The following EYS variants were observed in gnomAD, a reference collection of about 807,000 sequenced individuals.
The protein encoded by EYS is EGF-like photoreceptor maintenance factor.
A neutral mutation model predicts 282.1 loss-of-function variants in EYS; 250 were observed. The observed-to-expected ratio is 0.89, with a 90% CI of 0.80 to 0.98. The LOEUF (loss-of-function observed/expected upper bound fraction) is 0.98, where lower values mean the gene tolerates loss of function less well. Ranked by LOEUF, EYS falls within the 50% of genes least tolerant of loss-of-function variation. The probability of loss-of-function intolerance (pLI) is 0.00; values close to 1 mark genes in which losing one functional copy is unlikely to be tolerated. For missense variants in EYS, 4,016 were observed against 3,709.0 expected (o/e 1.08, Z -2.15); for synonymous variants, 1,355 against 1,282.9 (o/e 1.06, Z -1.20).
intron 14 of EYS, among the ~76,000 whole-genome samples, chr6:64,967,799 T>TCTGCAATGTATAAAAATGG (rs1770148910): frequency 6.6e-6 from 1 of 152,224 alleles, no homozygotes; most frequent in Admixed American, 6.5e-5. Context: ...TTTTCTCCCT[T>TCTGCAATGTATAAAAATGG]CTGCAATGTA....
chr6:64,588,847 A>G (rs1338754439), intron 26 of EYS, among the ~76,000 whole-genome samples: 1 of 149,714 alleles, frequency 6.7e-6, no homozygotes, highest in African/African-American at 2.4e-5. Context: ...CTAGAAAGGC[A>G]AGAAAAACTG....
chr6:64,203,580 C>T (rs1765533563), intron 31 of EYS, among the ~76,000 whole-genome samples: 1 of 152,138 alleles, frequency 6.6e-6, no homozygotes, highest in South Asian at 2.1e-4. Context: ...GCCAAAACTT[C>T]TGCCTCTGAC....
At chr6:64,175,223 T>C (rs971097112) in intron 31 of EYS, among the ~76,000 whole-genome samples, 21 of 152,166 alleles carry the variant, frequency 1.4e-4, no homozygotes, top group Non-Finnish European at 2.9e-4. Flanking sequence ...ATGCCTCTAT[T>C]TGATATTATT....
At chr6:64,531,698 T>C (rs1297483038) in intron 26 of EYS, among the ~76,000 whole-genome samples, 1 of 152,186 alleles carries the variant, frequency 6.6e-6, no homozygotes, top group Middle Eastern at 3.4e-3. Context: ...CCCAAAGTAC[T>C]GGGATTACAG....
intron 29 of EYS, among the ~76,000 whole-genome samples, chr6:64,336,722 G>T (rs1438018290): frequency 6.6e-6 from 1 of 151,884 alleles, no homozygotes; most frequent in East Asian, 1.9e-4. Flanking sequence ...CCATATGATA[G>T]GTCATAAAAT....
chr6:63,721,461 T>A lies in EYS; in HGVS notation c.8570A>T (p.Glu2857Val), dbSNP rs1768386672. 6.4e-7 allele frequency: 1 copy of A among 1,551,484 alleles called. No individual in the cohort carries two copies. Among genetic ancestry groups the A allele is most frequent in the Admixed American group, 2.0e-5 (1 of 50,966 alleles). The change falls in exon 43 of 43, where the codon GAA becomes GTA. Residue 2857 changes from glutamate (E) to valine (V), a missense_variant. Glu to Val is a moderately radical substitution (Grantham distance 121). Coordinates refer to ENST00000503581, the MANE Select transcript of EYS (RefSeq NM_001142800.2). The part of the protein sequence containing the change: ...CIRQVIINNQ[E>V]LQLTEFGAKG... ...TGCTCCAAATTCAGTTAATTGTAAT[T>A]CTTGATTATTTATGATAACTTGTCG...
rs376600236 is a variant in EYS at position 63,966,649 on chromosome 6, T to C, written c.7055+17734A>G. Among the ~76,000 whole-genome samples the C allele has an allele frequency of 1.1e-4, 17 of 152,362 alleles. No homozygotes were observed. The East Asian group carries it at 2.7e-3, about 24-fold the overall frequency. ...CCTGAAGTTTAATCCCTGCCCCTTT[T>C]ACTATTGCTGTGATCTTGGGTGGAT... On this transcript the variant is annotated intron_variant, in intron 35 of 42. Coordinates refer to ENST00000503581, the MANE Select transcript of EYS (RefSeq NM_001142800.2).
At chr6:63,998,375 A>T (rs1483840450) in intron 34 of EYS, among the ~76,000 whole-genome samples, 3 of 152,234 alleles carry the variant, frequency 2.0e-5, no homozygotes, top group Non-Finnish European at 4.4e-5. Flanking sequence ...GACTATATAG[A>T]AGAAATGAAA....
intron 22 of EYS, among the ~76,000 whole-genome samples, chr6:64,780,243 TAGTAATAA>T (rs1234279371): frequency 6.6e-6 from 1 of 152,156 alleles, no homozygotes; most frequent in Non-Finnish European, 1.5e-5. Flanking sequence ...AGGAAGACAC[TAGTAATAA>T]GAGGCTGAAA....
chr6:63,889,852 T>C (rs1428872375), intron 35 of EYS, among the ~76,000 whole-genome samples: 1 of 152,046 alleles, frequency 6.6e-6, no homozygotes, highest in Admixed American at 6.5e-5. Flanking sequence ...TCAAGACTTC[T>C]CAGTCTGCTG....
chr6:65,674,198 A>G (rs972045600), intron 1 of EYS, among the ~76,000 whole-genome samples: 7 of 151,900 alleles, frequency 4.6e-5, no homozygotes, highest in African/African-American at 1.7e-4. Context: ...TAGAAGGGGA[A>G]GAGTTAAAGA....
At chr6:64,096,693 C>T (rs151054088) in intron 31 of EYS, among the ~76,000 whole-genome samples, 1,666 of 152,268 alleles carry the variant, frequency 0.011, 25 homozygotes, top group African/African-American at 0.038. Context: ...GCCATGGGTT[C>T]AAACTTCCTC....
At chr6:65,532,824 A>G (rs545146172) in intron 2 of EYS, among the ~76,000 whole-genome samples, 1 of 152,244 alleles carries the variant, frequency 6.6e-6, no homozygotes, top group South Asian at 2.1e-4. Flanking sequence ...AGATAAACTA[A>G]AGGGTATAAT....
Position 63,829,857 on chromosome 6 carries a change from G to A in EYS, c.7229-23485C>T, listed in dbSNP as rs1469093970. On this transcript the variant is annotated intron_variant, in intron 36 of 42. Coordinates refer to ENST00000503581, the MANE Select transcript of EYS (RefSeq NM_001142800.2). ...CTCATAGAGCTAGGTGCCCCTCTGA[G>A]ACAAAGCTTCCAGAGGAAGGATCAG... Among the ~76,000 whole-genome samples, 4 of 152,194 alleles carry A rather than the reference G, an allele frequency of 2.6e-5. 1 individual carries two copies. The highest frequency in any genetic ancestry group is 6.3e-3 in the Middle Eastern group (2 of 316).
intron 19 of EYS, among the ~76,000 whole-genome samples, chr6:64,868,658 G>T (rs1766496684): frequency 6.6e-6 from 1 of 151,414 alleles, no homozygotes; most frequent in Admixed American, 6.6e-5. Context: ...ACCAGAGAAG[G>T]TCTCCATATG....
chr6:65,071,389 A>G (rs1164881863), intron 12 of EYS, among the ~76,000 whole-genome samples: 1 of 151,892 alleles, frequency 6.6e-6, no homozygotes, highest in East Asian at 1.9e-4. Flanking sequence ...ATATATCTAA[A>G]CAATCAGAAT....
At chr6:64,651,551 C>A (rs1371937733) in intron 22 of EYS, among the ~76,000 whole-genome samples, 1 of 152,184 alleles carries the variant, frequency 6.6e-6, no homozygotes, top group African/African-American at 2.4e-5. Context: ...GGCACAGTGG[C>A]TTACGCCTGT....
intron 1 of EYS, among the ~76,000 whole-genome samples, chr6:65,653,465 G>A (rs1244799352): frequency 6.6e-6 from 1 of 151,872 alleles, no homozygotes; most frequent in African/African-American, 2.4e-5. Flanking sequence ...AGCCCCATTA[G>A]GATACTGGTG....
At chr6:64,146,733 G>A (rs1409219478) in intron 31 of EYS, among the ~76,000 whole-genome samples, 1 of 152,096 alleles carries the variant, frequency 6.6e-6, no homozygotes, top group Non-Finnish European at 1.5e-5. Flanking sequence ...GCTCCACTGA[G>A]TTGAACAGCA....
Sources: gnomAD v4.1 joint callset for allele counts (sites outside exome capture counted in the v4.1 genomes callset) on GRCh38, gnomAD v4.1.1 for gene constraint, MANE v1.5 for transcripts, NCBI Gene and HGNC (gene_info 2026-07-23, HGNC 2026-07-21) for gene names.